KCNIP4: variants seen among roughly 807,000 people sequenced by gnomAD.
KCNIP4 encodes the protein potassium voltage-gated channel interacting protein 4.
In KCNIP4, 12 loss-of-function variants were observed where a neutral mutation model predicts 34.0. The ratio of observed to expected loss-of-function variants is 0.35; its 90% CI spans 0.23 to 0.57. KCNIP4 has a LOEUF of 0.57. Among genes scored for constraint, KCNIP4 ranks in the 20% least tolerant of loss-of-function variants. The pLI is 0.83. For synonymous variants in KCNIP4, 124 were observed against 102.2 expected (o/e 1.21, Z -1.29); for missense variants, 238 against 311.7 (o/e 0.76, Z 1.78).
chr4:21,047,233 G>A (rs1432262394), intron 1 of KCNIP4, among the ~76,000 whole-genome samples: 1 of 152,096 alleles, frequency 6.6e-6, no homozygotes, highest in Non-Finnish European at 1.5e-5. Flanking sequence ...ACCTCTTCAT[G>A]ATTTTTTTGG....
intron 1 of KCNIP4, among the ~76,000 whole-genome samples, chr4:21,683,338 AATCTCATGAAGGTCGGACTATCATT>A (rs1295261636): frequency 6.6e-6 from 1 of 152,046 alleles, no homozygotes; most frequent in Non-Finnish European, 1.5e-5. Flanking sequence ...TACTAACAAA[AATCTCATGAAGGTCGGACTATCATT>A]ATCTCAAATT....
chr4:21,374,776 G>A (rs1243750036), intron 1 of KCNIP4, among the ~76,000 whole-genome samples: 1 of 146,908 alleles, frequency 6.8e-6, no homozygotes, highest in African/African-American at 2.7e-5. Context: ...TGGTATTAGG[G>A]AGACATTAGA....
At chr4:21,704,176 T>C (rs1248728356) in intron 1 of KCNIP4, among the ~76,000 whole-genome samples, 3 of 151,678 alleles carry the variant, frequency 2.0e-5, no homozygotes, top group Non-Finnish European at 4.4e-5. Flanking sequence ...AAATACTAGC[T>C]CAAAATACAT....
intron 1 of KCNIP4, among the ~76,000 whole-genome samples, chr4:21,565,526 C>A (rs1292071792): frequency 6.6e-6 from 1 of 152,072 alleles, no homozygotes; most frequent in Non-Finnish European, 1.5e-5. Flanking sequence ...AACTATTTAG[C>A]CTCAAACCTG....
chr4:21,429,368 C>G (rs1394347255), intron 1 of KCNIP4, among the ~76,000 whole-genome samples: 1 of 152,136 alleles, frequency 6.6e-6, no homozygotes, highest in Admixed American at 6.6e-5. Context: ...GGATGCACCA[C>G]AGTTTATCCA....
intron 3 of KCNIP4, 71 bp from the exon 4 acceptor site, chr4:20,758,961 A>G (rs938494901): frequency 3.4e-6 from 4 of 1,188,054 alleles, no homozygotes; most frequent in Non-Finnish European, 5.0e-6. Flanking sequence ...CACATTTTGA[A>G]ACAGAACTGT....
intron 1 of KCNIP4, among the ~76,000 whole-genome samples, chr4:21,264,174 C>T (rs1371184137): frequency 1.3e-5 from 1 of 77,766 alleles, no homozygotes; most frequent in Non-Finnish European, 2.8e-5. Flanking sequence ...AGAATGGAGG[C>T]TAAAGAGTTG....
intron 1 of KCNIP4, among the ~76,000 whole-genome samples, chr4:21,813,013 T>C (rs1721755443): frequency 6.6e-6 from 1 of 152,172 alleles, no homozygotes; most frequent in African/African-American, 2.4e-5. Flanking sequence ...TAGGTCCAGC[T>C]TGCCTAGGTG....
intron 1 of KCNIP4, among the ~76,000 whole-genome samples, chr4:21,883,957 A>G (rs1274176043): frequency 6.6e-6 from 1 of 152,262 alleles, no homozygotes; most frequent in African/African-American, 2.4e-5. Flanking sequence ...TGTTAGAAAT[A>G]TTCGGGAGTA....
At chr4:21,565,285 G>T (rs780857732) in intron 1 of KCNIP4, among the ~76,000 whole-genome samples, 2 of 152,128 alleles carry the variant, frequency 1.3e-5, no homozygotes, top group African/African-American at 4.8e-5. Flanking sequence ...TCTTCACATG[G>T]TAGAGAAAAA....
chr4:21,393,966 C>T (rs138898985), intron 1 of KCNIP4, among the ~76,000 whole-genome samples: 3,767 of 152,198 alleles, frequency 0.025, 74 homozygotes, highest in Non-Finnish European at 0.036. Context: ...CTGGATAATT[C>T]ATTCATTTAC....
At chr4:21,148,040 T>C (rs1440858176) in intron 1 of KCNIP4, among the ~76,000 whole-genome samples, 1 of 151,548 alleles carries the variant, frequency 6.6e-6, no homozygotes, top group Non-Finnish European at 1.5e-5. Flanking sequence ...ATTCTGGGCA[T>C]TTTCCCCTCC....
At chr4:21,068,024 C>T (rs910655126) in intron 1 of KCNIP4, among the ~76,000 whole-genome samples, 11 of 152,072 alleles carry the variant, frequency 7.2e-5, no homozygotes, top group African/African-American at 2.7e-4. Flanking sequence ...ATTGGTTATT[C>T]TACATACAGA....
intron 1 of KCNIP4, among the ~76,000 whole-genome samples, chr4:21,789,981 T>C (rs1173545454): frequency 6.6e-6 from 1 of 152,188 alleles, no homozygotes; most frequent in African/African-American, 2.4e-5. Flanking sequence ...CATCTTCATA[T>C]ACATTTGACA....
chr4:21,874,642 A>G (rs921459897), intron 1 of KCNIP4, among the ~76,000 whole-genome samples: 4 of 151,710 alleles, frequency 2.6e-5, no homozygotes, highest in African/African-American at 7.3e-5. Context: ...GATATTTGCT[A>G]CTCCTTGGGT....
In KCNIP4 at chr4:21,795,382, T is replaced by C. The variant is rs573082905; in HGVS notation, c.61+153189A>G. Among the ~76,000 whole-genome samples the C allele has an allele frequency of 7.2e-5, 11 of 152,266 alleles. No individual in the cohort carries two copies. The South Asian group carries it at 1.4e-3, about 20-fold the overall frequency. Reference sequence around the variant, plus strand: ...TCTGTTGCGTAAGCCACCCAGTCTGTGGTATTTTGTTATGGCAGCCCCAGC... The same window carrying C: ...TCTGTTGCGTAAGCCACCCAGTCTGCGGTATTTTGTTATGGCAGCCCCAGC... On this transcript the variant is annotated intron_variant, in intron 1 of 8. Coordinates refer to ENST00000382152, the MANE Select transcript of KCNIP4 (RefSeq NM_025221.6).
intron 1 of KCNIP4, among the ~76,000 whole-genome samples, chr4:21,244,710 G>A (rs775293367): frequency 2.4e-4 from 37 of 152,092 alleles, no homozygotes; most frequent in African/African-American, 6.3e-4. Flanking sequence ...TTTCAGGTTC[G>A]TTGAAACAAT....
At chr4:20,808,987 G>A (rs1318409206) in intron 3 of KCNIP4, among the ~76,000 whole-genome samples, 2 of 152,114 alleles carry the variant, frequency 1.3e-5, no homozygotes, top group Non-Finnish European at 2.9e-5. Flanking sequence ...AAAAGATTAG[G>A]AACCATCATT....
intron 3 of KCNIP4, among the ~76,000 whole-genome samples, chr4:20,771,056 G>A (rs1755831751): frequency 1.3e-5 from 2 of 152,160 alleles, no homozygotes; most frequent in Admixed American, 1.3e-4. Context: ...ATGGGAGGAT[G>A]TATAGGTTAT....
Sources: gnomAD v4.1 joint callset for allele counts (sites outside exome capture counted in the v4.1 genomes callset) on GRCh38, gnomAD v4.1.1 for gene constraint, MANE v1.5 for transcripts, NCBI Gene and HGNC (gene_info 2026-07-23, HGNC 2026-07-21) for gene names.